RAPGEF6: variants seen among roughly 807,000 people sequenced by gnomAD.
RAPGEF6 encodes the protein Rap guanine nucleotide exchange factor 6, also known as PDZ domain containing guanine nucleotide exchange factor (GEF) 2.
A neutral mutation model predicts 171.4 loss-of-function variants in RAPGEF6; 56 were observed. The ratio of observed to expected loss-of-function variants is 0.33; its 90% CI spans 0.26 to 0.41. RAPGEF6 has a LOEUF of 0.41. RAPGEF6 is among the 10% of genes least tolerant of loss of function. The pLI, the probability that RAPGEF6 is intolerant of heterozygous loss-of-function variation, is 1.00. For missense variants in RAPGEF6, 1,674 were observed against 1,921.4 expected (o/e 0.87, Z 2.41); for synonymous variants, 692 against 650.1 (o/e 1.06, Z -0.98).
intron 6 of RAPGEF6, among the ~76,000 whole-genome samples, chr5:131,542,728 G>A (rs2149941455): frequency 6.6e-6 from 1 of 152,270 alleles, no homozygotes; most frequent in South Asian, 2.1e-4. Context: ...TGATGTGAAA[G>A]TAGGTCTTGA....
chr5:131,625,716 T>C (rs1353448197), intron 1 of RAPGEF6, among the ~76,000 whole-genome samples: 1 of 151,060 alleles, frequency 6.6e-6, no homozygotes, highest in Non-Finnish European at 1.5e-5. Flanking sequence ...CTCGGGAGGC[T>C]GAGACAAGAG....
At chr5:131,578,430 T>C (rs887156320) in intron 4 of RAPGEF6, among the ~76,000 whole-genome samples, 1 of 152,180 alleles carries the variant, frequency 6.6e-6, no homozygotes, top group Non-Finnish European at 1.5e-5. Context: ...AAACCTCCTT[T>C]AATAGCCCCC....
At chr5:131,495,698 A>T in intron 12 of RAPGEF6, 38 bp from the exon 13 acceptor site, 1 of 1,588,332 alleles carries the variant, frequency 6.3e-7, no homozygotes, top group Non-Finnish European at 8.6e-7. Flanking sequence ...TGGTTATAAG[A>T]GGCATTCCTT....
chr5:131,558,206 T>A (rs1335854945), intron 5 of RAPGEF6, among the ~76,000 whole-genome samples: 1 of 151,240 alleles, frequency 6.6e-6, no homozygotes, highest in Admixed American at 6.6e-5. Flanking sequence ...TGTGTGTGTA[T>A]ATGCCAGTTT....
intron 21 of RAPGEF6, chr5:131,450,084 G>C (rs1318782085): frequency 6.6e-7 from 1 of 1,525,458 alleles, no homozygotes; most frequent in Admixed American, 2.0e-5. Flanking sequence ...GCATGTGTTT[G>C]AATAGGAAAG....
chr5:131,551,511 CAAAA>C (rs11305566), intron 5 of RAPGEF6, among the ~76,000 whole-genome samples: 10 of 108,908 alleles, frequency 9.2e-5, no homozygotes, highest in Non-Finnish European at 1.8e-4. Flanking sequence ...GACTCCATCT[CAAAA>C]AAAAAAAAAA....
chr5:131,625,741 G>A (rs1236982535), intron 1 of RAPGEF6, among the ~76,000 whole-genome samples: 3 of 151,882 alleles, frequency 2.0e-5, no homozygotes, highest in South Asian at 2.1e-4. Context: ...GTGTGAACCC[G>A]GGAGGTGGAG....
At position 131,426,527 on chromosome 5, in the gene RAPGEF6, C is replaced by T. The variant is rs1751404632; in HGVS notation, c.*739G>A. 6.6e-6 allele frequency: 1 copy of T among 152,344 alleles called. No individual in the cohort carries two copies. The highest frequency in any genetic ancestry group is 2.4e-5 in the African/African-American group (1 of 41,452). The allele number at this position is 152,344 out of a possible 1,614,324, so 9.4% of individuals were successfully genotyped here. ...TTCCCACCCTCCTCCCCAAACTACT[C>T]CCTCCCATTTCCCAAAGGACTGACA... On this transcript the variant is annotated 3_prime_UTR_variant, in exon 28 of 28. Coordinates refer to ENST00000509018, the MANE Select transcript of RAPGEF6 (RefSeq NM_016340.6).
intron 4 of RAPGEF6, among the ~76,000 whole-genome samples, chr5:131,580,738 G>A (rs1425848917): frequency 6.6e-6 from 1 of 152,162 alleles, no homozygotes; most frequent in Non-Finnish European, 1.5e-5. Flanking sequence ...TTGGGGTGCA[G>A]GACTCCTCTT....
intron 1 of RAPGEF6, among the ~76,000 whole-genome samples, chr5:131,605,214 T>C (rs1764483842): frequency 6.6e-6 from 1 of 152,198 alleles, no homozygotes; most frequent in South Asian, 2.1e-4. Context: ...AACATCTTTC[T>C]CTATTCCTCA....
chr5:131,538,828 T>C (rs552070825), intron 6 of RAPGEF6, among the ~76,000 whole-genome samples: 99 of 152,326 alleles, frequency 6.5e-4, no homozygotes, highest in African/African-American at 2.3e-3. Context: ...TTTGTCCTAG[T>C]TTTAGTTGTA....
Position 131,592,438 on chromosome 5 carries a change from T to C in RAPGEF6, c.226A>G (p.Ile76Val). 6.2e-7 allele frequency: 1 copy of C among 1,613,904 alleles called. No homozygotes were observed. The highest frequency in any genetic ancestry group is 1.1e-5 in the South Asian group (1 of 91,072). The change falls in exon 4 of 28, where the codon ATC (isoleucine) becomes GTC (valine). Residue 76 changes from isoleucine (I) to valine (V), a missense_variant. Ile to Val is a conservative substitution (Grantham distance 29). This residue lies in a region of RAPGEF6 where 1,116 missense variants were observed against 1,321.5 expected (regional missense o/e 0.84). Transcript: ENST00000509018. ...CSETIARCWYILLSGSVLVKG... is the reference protein window; with the variant it reads ...CSETIARCWYVLLSGSVLVKG... ...ACAAGCACAGATCCAGAAAGTAGGA[T>C]ATACCAACATCTGGCAATCGTTTCT...
At chr5:131,534,118 T>C (rs1374518834) in intron 6 of RAPGEF6, among the ~76,000 whole-genome samples, 1 of 152,056 alleles carries the variant, frequency 6.6e-6, no homozygotes, top group Admixed American at 6.6e-5. Context: ...CAAAGCAATA[T>C]AATTATTTTG....
intron 21 of RAPGEF6, 95 bp from the exon 22 acceptor site, chr5:131,446,798 T>A: frequency 1.8e-6 from 2 of 1,100,226 alleles, no homozygotes; most frequent in Non-Finnish European, 1.3e-6. Context: ...TTAATGCTAT[T>A]GCATGCTGAT....
At chr5:131,559,445 G>A (rs1055614514) in intron 5 of RAPGEF6, among the ~76,000 whole-genome samples, 2 of 152,170 alleles carry the variant, frequency 1.3e-5, no homozygotes, top group African/African-American at 4.8e-5. Context: ...GGCATGTAAA[G>A]CTTCAGGATT....
intron 19 of RAPGEF6, among the ~76,000 whole-genome samples, chr5:131,458,676 CAG>C (rs1410617632): frequency 6.6e-6 from 1 of 152,108 alleles, no homozygotes; most frequent in South Asian, 2.1e-4. Flanking sequence ...TTTTTTGAGA[CAG>C]AGTCTTGCTC....
chr5:131,504,611 A>T lies in RAPGEF6; in HGVS notation c.1254+15T>A. 2 of 1,552,646 alleles carry T rather than the reference A, an allele frequency of 1.3e-6. No homozygotes were observed. The highest frequency in any genetic ancestry group is 2.8e-5 in the African/African-American group (2 of 71,832). On this transcript the variant is annotated intron_variant, in intron 11 of 27. Transcript: ENST00000509018. ...AATAAAATCAGTGACTAGAAAAATA[A>T]GTAAAAACACCCACCTTGATCACAA... is the stretch of plus-strand genomic sequence containing the variant.
intron 4 of RAPGEF6, among the ~76,000 whole-genome samples, chr5:131,564,986 G>A (rs1761842810): frequency 6.6e-6 from 1 of 151,956 alleles, no homozygotes; most frequent in African/African-American, 2.4e-5. Flanking sequence ...TTTTTTATCA[G>A]TACGTAGACT....
chr5:131,523,205 G>A (rs1040647024), intron 6 of RAPGEF6, among the ~76,000 whole-genome samples: 2 of 150,184 alleles, frequency 1.3e-5, no homozygotes, highest in Admixed American at 6.6e-5. Flanking sequence ...ACCAGGGGTT[G>A]GCAAACATCT....
Sources: allele counts gnomAD v4.1 joint callset (sites outside exome capture counted in the v4.1 genomes callset), GRCh38; gene constraint gnomAD v4.1.1; regional missense constraint gnomAD v4.1.1; transcripts MANE v1.5; gene names NCBI Gene and HGNC (gene_info 2026-07-23, HGNC 2026-07-21).